ZC4H2: variants seen among roughly 807,000 people sequenced by gnomAD.
The protein encoded by ZC4H2 is zinc finger C4H2 domain-containing protein.
For synonymous variants in ZC4H2, 84 were observed against 66.3 expected, an observed-to-expected ratio of 1.27 and a Z score of -1.30; for missense variants, 137 against 173.9, an observed-to-expected ratio of 0.79 and a Z score of 1.19.
intron 1 of ZC4H2, among the ~76,000 whole-genome samples, chrX:64,961,724 T>G (rs1931398179): frequency 9.0e-6 from 1 of 110,682 alleles, no homozygotes; most frequent in Non-Finnish European, 1.9e-5. Flanking sequence ...AAATCAGAGA[T>G]GAAAGATGAC....
At chrX:64,972,038 T>C (rs1602429751) in intron 1 of ZC4H2, among the ~76,000 whole-genome samples, 1 of 111,793 alleles carries the variant, frequency 8.9e-6, no homozygotes, top group Middle Eastern at 4.6e-3. Context: ...TTATTACTGC[T>C]ATCCTCCCTT....
At position 65,003,653 on chromosome X, in the gene ZC4H2, G is replaced by A. The variant is rs998479045; in HGVS notation, c.-272+30976C>T. Among the ~76,000 whole-genome samples, 5 of 110,746 alleles carry A rather than the reference G, an allele frequency of 4.5e-5. 1 individual carries two copies. The highest frequency in any genetic ancestry group is 2.8e-4 in the East Asian group (1 of 3,519). ...AGCACTTTGGGAGGCTGAAATGGGC[G>A]AATCCCGAGGTCAGGAGATTGAGAA... On this transcript the variant is annotated intron_variant, in intron 1 of 4. Coordinates refer to the ZC4H2 transcript ENST00000337990.
At chrX:65,009,761 G>C (rs934750846) in intron 1 of ZC4H2, among the ~76,000 whole-genome samples, 6 of 111,552 alleles carry the variant, frequency 5.4e-5, no homozygotes, top group African/African-American at 2.0e-4. Flanking sequence ...GTGAGACTTG[G>C]GGGGCAAGGG....
chrX:64,982,699 G>A (rs1932106507), intron 1 of ZC4H2, among the ~76,000 whole-genome samples: 1 of 111,877 alleles, frequency 8.9e-6, no homozygotes, highest in Non-Finnish European at 1.9e-5. Context: ...CTAAGTTTGG[G>A]GCAAAATGGC....
At chrX:64,983,625 C>T (rs994782081) in intron 1 of ZC4H2, among the ~76,000 whole-genome samples, 12 of 111,833 alleles carry the variant, frequency 1.1e-4, no homozygotes, top group Admixed American at 3.8e-4. Context: ...ACTATATACA[C>T]TGATTACATG....
chrX:64,928,304 G>T (rs1929521883), intron 1 of ZC4H2, among the ~76,000 whole-genome samples: 1 of 111,947 alleles, frequency 8.9e-6, no homozygotes, highest in Non-Finnish European at 1.9e-5. Context: ...TTTGTATAAG[G>T]TGTAAAGAAG....
intron 1 of ZC4H2, among the ~76,000 whole-genome samples, chrX:64,995,449 T>G (rs1450191263): frequency 8.9e-6 from 1 of 112,091 alleles, no homozygotes; most frequent in Non-Finnish European, 1.9e-5. Context: ...ATCCTATGCC[T>G]CCTGGGCTAA....
At chrX:65,017,777 T>C (rs758470989) in intron 1 of ZC4H2, among the ~76,000 whole-genome samples, 1 of 112,069 alleles carries the variant, frequency 8.9e-6, no homozygotes, top group African/African-American at 3.2e-5. Flanking sequence ...AAATGTAGGA[T>C]CAAATGCTTA....
intron 1 of ZC4H2, among the ~76,000 whole-genome samples, chrX:64,928,671 T>TC (rs746762040): frequency 7.5e-4 from 75 of 100,427 alleles, no homozygotes; most frequent in Middle Eastern, 5.0e-3. Flanking sequence ...TTCTTCTTCT[T>TC]CTTCTTCTTC....
intron 1 of ZC4H2, among the ~76,000 whole-genome samples, chrX:64,924,374 T>C (rs886911020): frequency 8.9e-6 from 1 of 112,349 alleles, no homozygotes; most frequent in African/African-American, 3.2e-5. Context: ...TAATTATTTA[T>C]TGAATACTTA....
intron 1 of ZC4H2, among the ~76,000 whole-genome samples, chrX:64,947,856 T>G (rs748600864): frequency 9.0e-6 from 1 of 110,772 alleles, no homozygotes; most frequent in East Asian, 2.8e-4. Flanking sequence ...TTTTTTTTTT[T>G]TTTGTTTATA....
chrX:65,019,710 T>C (rs1040338351), intron 1 of ZC4H2, among the ~76,000 whole-genome samples: 4 of 112,264 alleles, frequency 3.6e-5, no homozygotes, highest in African/African-American at 1.3e-4. Context: ...GAAGCAGGCT[T>C]CAGAGGTTGG....
At chrX:64,933,142 A>G (rs1391362266) in intron 1 of ZC4H2, among the ~76,000 whole-genome samples, 1 of 111,506 alleles carries the variant, frequency 9.0e-6, no homozygotes, top group Non-Finnish European at 1.9e-5. Context: ...TACTTGTTCT[A>G]GCTTATTGTT....
intron 1 of ZC4H2, among the ~76,000 whole-genome samples, chrX:64,934,886 C>A (rs1316954021): frequency 8.9e-6 from 1 of 111,732 alleles, no homozygotes; most frequent in African/African-American, 3.3e-5. Flanking sequence ...CCTGGGTTTC[C>A]AGCACAAAAC....
intron 1 of ZC4H2, among the ~76,000 whole-genome samples, chrX:65,007,733 G>T (rs775083979): frequency 9.0e-6 from 1 of 111,625 alleles, no homozygotes; most frequent in African/African-American, 3.3e-5. Context: ...AAATGGTGCT[G>T]GGAAAATGGG....
intron 1 of ZC4H2, among the ~76,000 whole-genome samples, chrX:65,003,535 C>A (rs184557758): frequency 9.0e-6 from 1 of 110,636 alleles, no homozygotes; most frequent in Non-Finnish European, 1.9e-5. Context: ...AGACTGCTAG[C>A]GAGACTAATA....
intron 1 of ZC4H2, among the ~76,000 whole-genome samples, chrX:65,027,355 G>A (rs1254064444): frequency 9.0e-6 from 1 of 111,682 alleles, no homozygotes; most frequent in African/African-American, 3.3e-5. Context: ...TCAAGAGGCA[G>A]TGCAGAAGAT....
chrX:64,944,887 C>T (rs967642682), intron 1 of ZC4H2, among the ~76,000 whole-genome samples: 1 of 112,408 alleles, frequency 8.9e-6, no homozygotes, highest in African/African-American at 3.2e-5. Flanking sequence ...GATTCTTGCG[C>T]ATGCTTCATG....
intron 1 of ZC4H2, among the ~76,000 whole-genome samples, chrX:65,005,707 A>C (rs1932641660): frequency 8.9e-6 from 1 of 111,771 alleles, no homozygotes; most frequent in Admixed American, 9.5e-5. Context: ...AATTTGACAA[A>C]TGTTATCTAA....
Sources: allele counts gnomAD v4.1 joint callset (sites outside exome capture counted in the v4.1 genomes callset), GRCh38; gene constraint gnomAD v4.1.1; transcripts MANE v1.5; gene names NCBI Gene and HGNC (gene_info 2026-07-23, HGNC 2026-07-21).